COL14A1: variants seen among roughly 807,000 people sequenced by gnomAD.
COL14A1 encodes the protein collagen type XIV alpha 1 chain.
A neutral mutation model predicts 230.3 loss-of-function variants in COL14A1; 136 were observed. That is an observed-to-expected ratio of 0.59 (90% CI 0.51 to 0.68). COL14A1 has a LOEUF of 0.68. COL14A1 is among the 30% of genes least tolerant of loss of function. The pLI is 0.00. For missense variants in COL14A1, 1,976 were observed against 2,215.8 expected (o/e 0.89, Z 2.17); for synonymous variants, 792 against 784.1 (o/e 1.01, Z -0.17).
intron 36 of COL14A1, among the ~76,000 whole-genome samples, chr8:120,308,294 TA>T (rs1490444839): frequency 6.6e-6 from 1 of 152,244 alleles, no homozygotes; most frequent in Non-Finnish European, 1.5e-5. Context: ...AAGCATTGTT[TA>T]AATGGCTGAA....
chr8:120,326,568 T>A (rs1821676217), intron 40 of COL14A1, among the ~76,000 whole-genome samples: 2 of 152,234 alleles, frequency 1.3e-5, no homozygotes, highest in African/African-American at 4.8e-5. Context: ...ATGGAAAATG[T>A]GAAGATCTTT....
chr8:120,250,257 T>C (rs1818895375), intron 21 of COL14A1, among the ~76,000 whole-genome samples: 1 of 152,200 alleles, frequency 6.6e-6, no homozygotes, highest in South Asian at 2.1e-4. Context: ...GGGAGCAAAG[T>C]TGGTTACCTT....
At chr8:120,274,103 C>A (rs184156457) in intron 26 of COL14A1, among the ~76,000 whole-genome samples, 328 of 151,814 alleles carry the variant, frequency 2.2e-3, no homozygotes, top group Admixed American at 4.7e-3. Context: ...TAAACAAATC[C>A]AACAACACAT....
At chr8:120,161,134 G>C (rs899942895) in intron 3 of COL14A1, among the ~76,000 whole-genome samples, 1 of 152,140 alleles carries the variant, frequency 6.6e-6, no homozygotes, top group Non-Finnish European at 1.5e-5. Context: ...GTTTTGGCAA[G>C]AGAAAGACTC....
At chr8:120,283,202 A>G (rs963249391) in intron 31 of COL14A1, among the ~76,000 whole-genome samples, 1 of 152,166 alleles carries the variant, frequency 6.6e-6, no homozygotes, top group Non-Finnish European at 1.5e-5. Context: ...TGGGAATGCA[A>G]TTGACTACAA....
chr8:120,171,371 A>T (rs2130594521), intron 5 of COL14A1, among the ~76,000 whole-genome samples: 1 of 152,236 alleles, frequency 6.6e-6, no homozygotes, highest in African/African-American at 2.4e-5. Context: ...TTTGCTCACC[A>T]TTTCATCTTG....
At position 120,289,695 on chromosome 8, in the gene COL14A1, A is replaced by G. The variant is rs1328877536; in HGVS notation, c.4165A>G (p.Ile1389Val). Residue 1389 changes from isoleucine to valine, a missense_variant, in exon 34 of 48, where the codon ATC (isoleucine) becomes GTC (valine). Ile to Val is a conservative substitution (Grantham distance 29). Transcript: ENST00000297848. ...GEKAMNASAN[I>V]TSDGVEVLGK... ...GAAGGCAATGAACGCATCAGCTAAT[A>G]TCACGTCAGATGGTGTAGAAGTGCT... 4.3e-6 allele frequency: 7 copies of G among 1,614,018 alleles called. No homozygotes were observed. The highest frequency in any genetic ancestry group is 2.7e-5 in the African/African-American group (2 of 74,942).
intron 11 of COL14A1, 143 bp from the exon 12 acceptor site, chr8:120,209,613 T>A: frequency 1.3e-6 from 1 of 764,584 alleles, no homozygotes; most frequent in Non-Finnish European, 2.0e-6. Context: ...TCATCAGCAT[T>A]GTTTAACCCA....
chr8:120,142,290 C>T (rs1814940706), intron 1 of COL14A1, among the ~76,000 whole-genome samples: 1 of 152,176 alleles, frequency 6.6e-6, no homozygotes, highest in East Asian at 1.9e-4. Context: ...TTTGATAGGG[C>T]TGAAGCCTGC....
chr8:120,197,125 G>T lies in COL14A1; in HGVS notation c.592+179G>T, dbSNP rs139547368. Among the ~76,000 whole-genome samples, 144 of 152,282 alleles carry T rather than the reference G, an allele frequency of 9.5e-4. 5 individuals carry two copies. In the East Asian group the frequency reaches 0.025, roughly 26 times the overall value. ...ATTTATTCCTTCTAATTTTTGCAAT[G>T]ACACTGTCATTCAATTAATTATTGA... is the stretch of plus-strand genomic sequence containing the variant. On this transcript the variant is annotated intron_variant, in intron 6 of 47. Coordinates refer to ENST00000297848, the MANE Select transcript of COL14A1 (RefSeq NM_021110.4).
intron 42 of COL14A1, among the ~76,000 whole-genome samples, chr8:120,340,037 CAA>C (rs530829054): frequency 0.054 from 4,215 of 77,722 alleles, 85 homozygotes; most frequent in African/African-American, 0.12. Context: ...GACTGCGTCT[CAA>C]AAAAAAAAAA....
chr8:120,231,258 A>G (rs1406265518), intron 18 of COL14A1, among the ~76,000 whole-genome samples: 1 of 152,142 alleles, frequency 6.6e-6, no homozygotes, highest in Non-Finnish European at 1.5e-5. Flanking sequence ...TCATCTTGTA[A>G]GCATCTCTTA....
chr8:120,167,478 G>A (rs986405711), intron 4 of COL14A1, among the ~76,000 whole-genome samples: 6 of 152,170 alleles, frequency 3.9e-5, no homozygotes, highest in Non-Finnish European at 8.8e-5. Context: ...GTGCTATTTG[G>A]CAGAAAAGCA....
chr8:120,135,925 A>C (rs187390562), intron 1 of COL14A1, among the ~76,000 whole-genome samples: 2 of 152,212 alleles, frequency 1.3e-5, no homozygotes, highest in Admixed American at 6.5e-5. Flanking sequence ...CTATTATATA[A>C]GAATACAATT....
intron 28 of COL14A1, among the ~76,000 whole-genome samples, chr8:120,278,962 A>G (rs1484374952): frequency 6.6e-6 from 1 of 152,106 alleles, no homozygotes; most frequent in Non-Finnish European, 1.5e-5. Context: ...ATGGAATACT[A>G]TGCAGCCATA....
chr8:120,313,657 A>C (rs1439438311), intron 37 of COL14A1, among the ~76,000 whole-genome samples: 1 of 152,140 alleles, frequency 6.6e-6, no homozygotes, highest in South Asian at 2.1e-4. Flanking sequence ...CATTACTTAC[A>C]TAATTGGCAT....
At chr8:120,215,421 A>T (rs902265650) in intron 13 of COL14A1, among the ~76,000 whole-genome samples, 2 of 151,874 alleles carry the variant, frequency 1.3e-5, no homozygotes, top group Non-Finnish European at 2.9e-5. Context: ...GGTAGGAAGG[A>T]AGGAAGGGAG....
At chr8:120,287,493 A>G (rs972222614) in intron 33 of COL14A1, among the ~76,000 whole-genome samples, 5 of 152,182 alleles carry the variant, frequency 3.3e-5, no homozygotes, top group Non-Finnish European at 7.3e-5. Flanking sequence ...TAAAAGAAAC[A>G]TTGTCATTTT....
At chr8:120,158,353 G>T in intron 3 of COL14A1, 107 bp downstream of exon 3, 1 of 732,400 alleles carries the variant, frequency 1.4e-6, no homozygotes, top group Admixed American at 2.3e-5. Context: ...GGAAGCTTTT[G>T]GTTTGTTTAA....
Sources: gnomAD v4.1 joint callset for allele counts (sites outside exome capture counted in the v4.1 genomes callset) on GRCh38, gnomAD v4.1.1 for gene constraint, MANE v1.5 for transcripts, NCBI Gene and HGNC (gene_info 2026-07-23, HGNC 2026-07-21) for gene names.